Variants in TAB2 observed in about 807,000 individuals in gnomAD.
TAB2 encodes TGF-beta activated kinase 1 (MAP3K7) binding protein 2.
A neutral mutation model predicts 65.0 loss-of-function variants in TAB2; 3 were observed. The observed-to-expected ratio is 0.05, with a 90% CI of 0.02 to 0.12. The LOEUF (loss-of-function observed/expected upper bound fraction) is 0.12. Among genes scored for constraint, TAB2 ranks in the 10% least tolerant of loss-of-function variants. TAB2 has a pLI of 1.00. For missense variants in TAB2, 623 were observed against 840.3 expected (o/e 0.74, Z 3.20); for synonymous variants, 298 against 285.1 (o/e 1.05, Z -0.46).
In TAB2 at chr6:149,285,265, T is replaced by C. The variant is rs1422718965; in HGVS notation, c.-121+66489T>C. On this transcript the variant is annotated intron_variant, in intron 1 of 1. Transcript: ENST00000606202. ...TTAGTTATTGCCAACAGTACCCTAA[T>C]GGGCAGACCAAAAGCAGGGGACCCC... Among the ~76,000 whole-genome samples, 4 of 152,194 alleles carry C rather than the reference T, an allele frequency of 2.6e-5. No homozygotes were observed. In the East Asian group the frequency reaches 7.7e-4, roughly 29 times the overall value.
In TAB2 at chr6:149,411,574, G is replaced by GT; in HGVS notation, c.*1857dup. ...GGTAAACTATCTTTGTAACAGATAA[G>GT]TTATTTATAAAAATTAAAAAACTTA... On this transcript the variant is annotated 3_prime_UTR_variant, in exon 7 of 7. Transcript: ENST00000637181. The GT allele has an allele frequency of 6.5e-6, 1 of 153,556 alleles. No individual in the cohort carries two copies. Among genetic ancestry groups the GT allele is most frequent in the Middle Eastern group, 3.4e-3 (1 of 294 alleles). The allele number at this position is 153,556 out of a possible 1,614,324, so 9.5% of individuals were successfully genotyped here. A position where few individuals can be genotyped will look rare whatever the true frequency, so the allele number is the denominator to read the frequency against.
intron 1 of TAB2, among the ~76,000 whole-genome samples, chr6:149,233,367 C>T (rs1490285335): frequency 2.0e-5 from 3 of 152,102 alleles, no homozygotes; most frequent in East Asian, 1.9e-4. Context: ...GAAAGCTCAC[C>T]GCAGAAAGCA....
chr6:149,303,444 C>CA (rs138330318), intron 1 of TAB2, among the ~76,000 whole-genome samples: 6,786 of 152,142 alleles, frequency 0.045, 478 homozygotes, highest in African/African-American at 0.15. Context: ...CAGGATACCC[C>CA]ATTATTATAT....
chr6:149,375,093 G>A (rs1321688120), intron 2 of TAB2, among the ~76,000 whole-genome samples: 1 of 152,152 alleles, frequency 6.6e-6, no homozygotes, highest in Non-Finnish European at 1.5e-5. Context: ...TTGTGGTTAT[G>A]TTTTTAAGTC....
chr6:149,312,766 A>G (rs1779187188), upstream of TAB2, among the ~76,000 whole-genome samples: 2 of 152,214 alleles, frequency 1.3e-5, no homozygotes, highest in South Asian at 2.1e-4. Context: ...CTATATATTG[A>G]TCATGTACAA....
intron 1 of TAB2, chr6:149,346,448 CTTTTTTT>C (rs11399281): frequency 2.6e-5 from 3 of 113,412 alleles, no homozygotes; most frequent in African/African-American, 3.5e-5. Flanking sequence ...GTTGGTGAAA[CTTTTTTT>C]TTTTTTTTTT....
chr6:149,300,414 T>C (rs931713939), intron 1 of TAB2, among the ~76,000 whole-genome samples: 1 of 152,194 alleles, frequency 6.6e-6, no homozygotes, highest in Non-Finnish European at 1.5e-5. Context: ...CTTGAGCAAG[T>C]CACATCAGTT....
chr6:149,234,612 G>C (rs1209478633), intron 1 of TAB2, among the ~76,000 whole-genome samples: 1 of 152,198 alleles, frequency 6.6e-6, no homozygotes, highest in African/African-American at 2.4e-5. Flanking sequence ...CTGTCAGCCA[G>C]ACATCCCAGG....
intron 1 of TAB2, among the ~76,000 whole-genome samples, chr6:149,332,448 T>C (rs559246914): frequency 6.6e-6 from 1 of 152,334 alleles, no homozygotes; most frequent in South Asian, 2.1e-4. Context: ...TTCTGCTGTG[T>C]ATGTGACATG....
At chr6:149,359,659 CTA>C (rs1433741608) in intron 1 of TAB2, among the ~76,000 whole-genome samples, 1 of 152,196 alleles carries the variant, frequency 6.6e-6, no homozygotes, top group Non-Finnish European at 1.5e-5. Flanking sequence ...GTTCTGATAA[CTA>C]TATCTCTCTC....
In TAB2 at chr6:149,269,328, C is replaced by T. The variant is rs375780845; in HGVS notation, c.-121+50552C>T. ...AAAAGAAGTTACGCTAGGTTATCAA[C>T]AACCTAGTGCTATGAATTATGTGTA... On this transcript the variant is annotated intron_variant, in intron 1 of 1. Coordinates refer to the TAB2 transcript ENST00000606202. 9.2e-5 allele frequency among the ~76,000 whole-genome samples: 14 copies of T among 152,306 alleles called. No homozygotes were observed. The East Asian group carries it at 2.1e-3, about 23-fold the overall frequency.
At chr6:149,327,536 A>C (rs1779655470) in intron 1 of TAB2, among the ~76,000 whole-genome samples, 1 of 152,224 alleles carries the variant, frequency 6.6e-6, no homozygotes, top group Non-Finnish European at 1.5e-5. Context: ...GAAGTTAAGC[A>C]GCTGTATGTT....
intron 1 of TAB2, among the ~76,000 whole-genome samples, chr6:149,290,241 G>C (rs1778751707): frequency 6.6e-6 from 1 of 152,142 alleles, no homozygotes; most frequent in African/African-American, 2.4e-5. Context: ...GAGAGGAGAA[G>C]TCCATTCAGA....
At chr6:149,237,675 T>C (rs1583038134) in intron 1 of TAB2, among the ~76,000 whole-genome samples, 1 of 152,246 alleles carries the variant, frequency 6.6e-6, no homozygotes, top group South Asian at 2.1e-4. Context: ...TACTACTTCC[T>C]AGAACTCACC....
At chr6:149,387,983 T>C (rs192022183) in intron 3 of TAB2, among the ~76,000 whole-genome samples, 1 of 152,366 alleles carries the variant, frequency 6.6e-6, no homozygotes, top group Non-Finnish European at 1.5e-5. Context: ...GTACACATAA[T>C]TGTACCCATG....
intron 1 of TAB2, among the ~76,000 whole-genome samples, chr6:149,350,569 A>ATTTCTTCC (rs1780456475): frequency 7.4e-6 from 1 of 135,870 alleles, no homozygotes; most frequent in Admixed American, 7.3e-5. Flanking sequence ...AACGTTATGT[A>ATTTCTTCC]TTTCTTCCTA....
upstream of TAB2, among the ~76,000 whole-genome samples, chr6:149,313,904 T>C (rs1461978914): frequency 6.6e-6 from 1 of 152,186 alleles, no homozygotes; most frequent in Non-Finnish European, 1.5e-5. Flanking sequence ...TCTCTCTTCT[T>C]CTGGACATTA....
At chr6:149,401,065 A>G (rs1326969883) in intron 6 of TAB2, 5 of 187,850 alleles carry the variant, frequency 2.7e-5, no homozygotes, top group Non-Finnish European at 3.6e-5. Flanking sequence ...AAAAATTCTC[A>G]CATACCTTGT....
At chr6:149,292,668 T>A (rs1295148387) in intron 1 of TAB2, among the ~76,000 whole-genome samples, 6 of 152,176 alleles carry the variant, frequency 3.9e-5, no homozygotes. Context: ...GTCATAAAGA[T>A]GACATATGTC....
Sources: gnomAD v4.1 joint callset for allele counts (sites outside exome capture counted in the v4.1 genomes callset) on GRCh38, gnomAD v4.1.1 for gene constraint, MANE v1.5 for transcripts, NCBI Gene and HGNC (gene_info 2026-07-23, HGNC 2026-07-21) for gene names.